Variants in TUSC3 observed in about 807,000 individuals in gnomAD.
TUSC3 encodes tumor suppressor candidate 3, also known as dolichyl-diphosphooligosaccharide--protein glycosyltransferase subunit TUSC3.
A neutral mutation model predicts 44.8 loss-of-function variants in TUSC3; 45 were observed. That is an observed-to-expected ratio of 1.00 (90% CI 0.79 to 1.29). The LOEUF is 1.29. Ranked by LOEUF, TUSC3 falls within the 50% of genes most tolerant of loss-of-function variation. TUSC3 has a pLI of 0.00. For synonymous variants in TUSC3, 212 were observed against 152.9 expected (o/e 1.39, Z -2.85); for missense variants, 519 against 437.9 (o/e 1.19, Z -1.65).
intron 2 of TUSC3, among the ~76,000 whole-genome samples, chr8:15,630,037 C>A (rs1024691911): frequency 6.6e-6 from 1 of 152,012 alleles, no homozygotes; most frequent in Non-Finnish European, 1.5e-5. Context: ...TCAAATTATA[C>A]TGTGGGGAAT....
intron 1 of TUSC3, among the ~76,000 whole-genome samples, chr8:15,599,348 T>A (rs1232625223): frequency 6.6e-6 from 1 of 151,834 alleles, no homozygotes; most frequent in Non-Finnish European, 1.5e-5. Context: ...AGATGTCTCT[T>A]TGGCAAATAT....
At chr8:15,746,168 G>A (rs1585296099) in intron 8 of TUSC3, among the ~76,000 whole-genome samples, 1 of 151,872 alleles carries the variant, frequency 6.6e-6, no homozygotes, top group African/African-American at 2.4e-5. Context: ...CCTGTCTTAA[G>A]GTAAATAAGA....
In TUSC3 at chr8:15,550,929, C is replaced by G. The variant is rs933467204; in HGVS notation, c.138+10361C>G. Among the ~76,000 whole-genome samples the G allele has an allele frequency of 4.0e-5, 6 of 151,824 alleles. No homozygotes were observed. The East Asian group carries it at 9.8e-4, about 25-fold the overall frequency. ...TCGGGTGATCTGCCCGCCTCGGCCT[C>G]CCAAGTGCTGGGATTACAGGGGTGA... On this transcript the variant is annotated intron_variant, in intron 1 of 10. Coordinates refer to ENST00000503731, the MANE Select transcript of TUSC3 (RefSeq NM_006765.4).
At chr8:15,708,233 T>A (rs1207601268) in intron 6 of TUSC3, among the ~76,000 whole-genome samples, 1 of 151,844 alleles carries the variant, frequency 6.6e-6, no homozygotes, top group Non-Finnish European at 1.5e-5. Flanking sequence ...ATTGGTAGAT[T>A]CAGGATAATA....
intron 1 of TUSC3, among the ~76,000 whole-genome samples, chr8:15,470,146 G>T (rs567294755): frequency 6.6e-6 from 1 of 151,416 alleles, no homozygotes; most frequent in Non-Finnish European, 1.5e-5. Context: ...ATGGTAGTGC[G>T]TGCCTGTAGT....
At chr8:15,721,758 A>G (rs1462240552) in intron 6 of TUSC3, among the ~76,000 whole-genome samples, 1 of 152,086 alleles carries the variant, frequency 6.6e-6, no homozygotes, top group East Asian at 1.9e-4. Context: ...TACTAAAATT[A>G]CTTAAGCAGT....
chr8:15,452,381 G>A (rs1800205586), intron 1 of TUSC3, among the ~76,000 whole-genome samples: 1 of 151,856 alleles, frequency 6.6e-6, no homozygotes. Flanking sequence ...ATCAAATGAG[G>A]GCAAAGAACA....
At chr8:15,788,546 CAAA>C in the TUSC3 span, among the ~76,000 whole-genome samples, 9 of 75,526 alleles carry the variant, frequency 1.2e-4, no homozygotes, top group Admixed American at 1.6e-4. Context: ...GACTCTATCT[CAAA>C]AAAAAAAAAA....
intron 2 of TUSC3, among the ~76,000 whole-genome samples, chr8:15,525,567 C>G (rs1177117250): frequency 6.6e-6 from 1 of 152,126 alleles, no homozygotes; most frequent in Non-Finnish European, 1.5e-5. Context: ...CATTAATTTT[C>G]AAGAGTGTAA....
At chr8:15,632,216 C>T (rs1585173810) in intron 2 of TUSC3, among the ~76,000 whole-genome samples, 1 of 152,110 alleles carries the variant, frequency 6.6e-6, no homozygotes, top group South Asian at 2.1e-4. Flanking sequence ...TAATCTATAA[C>T]GTTTCCACAC....
chr8:15,682,811 C>CTTTTTTTTTT (rs3988415), intron 6 of TUSC3, among the ~76,000 whole-genome samples: 1 of 129,784 alleles, frequency 7.7e-6, no homozygotes, highest in African/African-American at 3.2e-5. Flanking sequence ...CTAGAACTTT[C>CTTTTTTTTTT]TTTTTTTTTT....
intron 2 of TUSC3, among the ~76,000 whole-genome samples, chr8:15,637,345 T>G (rs138215293): frequency 3.3e-5 from 5 of 152,324 alleles, no homozygotes; most frequent in African/African-American, 9.6e-5. Flanking sequence ...AATACAGACT[T>G]CATTTCTGCG....
intron 6 of TUSC3, among the ~76,000 whole-genome samples, chr8:15,693,177 A>G (rs909517614): frequency 6.6e-6 from 1 of 152,190 alleles, no homozygotes; most frequent in Non-Finnish European, 1.5e-5. Flanking sequence ...ACTGATATGT[A>G]TGGATTTGAT....
intron 6 of TUSC3, among the ~76,000 whole-genome samples, chr8:15,686,641 A>G (rs959701587): frequency 2.0e-5 from 3 of 152,134 alleles, no homozygotes; most frequent in Non-Finnish European, 4.4e-5. Flanking sequence ...TAAAAATCAT[A>G]TAGACTGATT....
At chr8:15,703,869 A>G (rs1180668464) in intron 6 of TUSC3, among the ~76,000 whole-genome samples, 1 of 152,128 alleles carries the variant, frequency 6.6e-6, no homozygotes, top group Non-Finnish European at 1.5e-5. Context: ...CATACAAACC[A>G]TAGCACTGTA....
chr8:15,746,754 T>C (rs1811434327), intron 8 of TUSC3, among the ~76,000 whole-genome samples: 2 of 151,682 alleles, frequency 1.3e-5, no homozygotes, highest in African/African-American at 4.8e-5. Context: ...AAAAAGGAGA[T>C]GGAAGGAAAA....
At chr8:15,508,449 G>T (rs1385664269) in intron 2 of TUSC3, among the ~76,000 whole-genome samples, 1 of 139,362 alleles carries the variant, frequency 7.2e-6, no homozygotes, top group East Asian at 2.2e-4. Flanking sequence ...TTTAGGAATC[G>T]AAGCTTCCTT....
the TUSC3 span, among the ~76,000 whole-genome samples, chr8:15,776,347 T>C: frequency 6.6e-6 from 1 of 152,072 alleles, no homozygotes; most frequent in Non-Finnish European, 1.5e-5. Flanking sequence ...TGGGCAAATA[T>C]CCTAACAAAA....
chr8:15,667,462 C>A (rs1217835352), intron 5 of TUSC3, among the ~76,000 whole-genome samples: 1 of 151,572 alleles, frequency 6.6e-6, no homozygotes, highest in East Asian at 1.9e-4. Context: ...CTGATTTATA[C>A]CACCTGTTTA....
Sources: gnomAD v4.1 joint callset for allele counts (sites outside exome capture counted in the v4.1 genomes callset) on GRCh38, gnomAD v4.1.1 for gene constraint, MANE v1.5 for transcripts, NCBI Gene and HGNC (gene_info 2026-07-23, HGNC 2026-07-21) for gene names.